NEMF: variants seen among roughly 807,000 people sequenced by gnomAD.
NEMF encodes the protein ribosome quality control complex subunit NEMF.
Under a neutral mutation model 162.2 loss-of-function variants are expected in NEMF, and 89 were observed. That is an observed-to-expected ratio of 0.55 (90% confidence interval 0.46 to 0.65). The LOEUF is 0.65. Among genes scored for constraint, NEMF ranks in the 30% least tolerant of loss-of-function variants. NEMF has a pLI of 0.00. For synonymous variants in NEMF, 421 were observed against 404.5 expected (o/e 1.04, Z -0.49); for missense variants, 1,133 against 1,261.9 (o/e 0.90, Z 1.55).
chr14:49,840,376 C>T lies in NEMF; in HGVS notation c.506+342G>A, dbSNP rs554381629. ...ACTCGGGAGGCTGCGGCAGGAGAAT[C>T]GCTTGAACCTGGGATGCAGAGGTTG... On this transcript the variant is annotated intron_variant, in intron 5 of 32. Coordinates refer to ENST00000298310, the MANE Select transcript of NEMF (RefSeq NM_004713.6). Among the ~76,000 whole-genome samples, 19 of 151,896 alleles carry T rather than the reference C, an allele frequency of 1.3e-4. No individual in the cohort carries two copies. In the South Asian group the frequency reaches 3.5e-3, roughly 28 times the overall value.
At chr14:49,851,143 G>T (rs1893753760) in intron 3 of NEMF, among the ~76,000 whole-genome samples, 1 of 152,224 alleles carries the variant, frequency 6.6e-6, no homozygotes, top group South Asian at 2.1e-4. Context: ...GGCAGAGGTT[G>T]CAGTGAGCCA....
chr14:49,807,851 G>C (rs575342112), intron 18 of NEMF, among the ~76,000 whole-genome samples: 1 of 152,086 alleles, frequency 6.6e-6, no homozygotes, highest in South Asian at 2.1e-4. Context: ...TGATTTACCT[G>C]CCTCTGCCTC....
intron 29 of NEMF, 82 bp downstream of exon 29, chr14:49,786,636 T>G: frequency 7.3e-7 from 1 of 1,378,534 alleles, no homozygotes; most frequent in Non-Finnish European, 1.0e-6. Context: ...GTTTCTAAGT[T>G]TTAATAAGTT....
chr14:49,837,454 C>A (rs1372275923), intron 6 of NEMF, among the ~76,000 whole-genome samples: 1 of 151,896 alleles, frequency 6.6e-6, no homozygotes, highest in Non-Finnish European at 1.5e-5. Flanking sequence ...AGTTTGAGAC[C>A]AGCCTGGGCA....
intron 5 of NEMF, among the ~76,000 whole-genome samples, chr14:49,838,624 G>C (rs145283630): frequency 7.4e-6 from 1 of 135,868 alleles, no homozygotes; most frequent in South Asian, 2.3e-4. Context: ...TTGCTCTGTC[G>C]CCCAGGCTGC....
chr14:49,845,420 G>T (rs146325675), intron 4 of NEMF, among the ~76,000 whole-genome samples: 1 of 152,084 alleles, frequency 6.6e-6, no homozygotes, highest in African/African-American at 2.4e-5. Flanking sequence ...GAGTCATTGC[G>T]CTCAGCCAAA....
chr14:49,825,179 T>A (rs1892274972), intron 16 of NEMF, among the ~76,000 whole-genome samples: 1 of 152,202 alleles, frequency 6.6e-6, no homozygotes. Flanking sequence ...ATTATATGAC[T>A]ACAATTTAAA....
At chr14:49,844,764 C>CACACACACACACACACAT (rs144835038) in intron 4 of NEMF, 1 of 328,876 alleles carries the variant, frequency 3.0e-6, no homozygotes, top group African/African-American at 2.5e-5. Context: ...CACACACACA[C>CACACACACACACACACAT]ATATATTTTT....
intron 5 of NEMF, chr14:49,839,634 G>C (rs1458350259): frequency 6.6e-6 from 1 of 152,142 alleles, no homozygotes; most frequent in African/African-American, 2.4e-5. Context: ...ATATCCATCT[G>C]TCTTCTCACA....
intron 16 of NEMF, among the ~76,000 whole-genome samples, chr14:49,823,358 G>T (rs1892180534): frequency 6.7e-6 from 1 of 149,982 alleles, no homozygotes; most frequent in African/African-American, 2.5e-5. Context: ...AGAGCTAAAA[G>T]AAACTAAAGC....
intron 17 of NEMF, among the ~76,000 whole-genome samples, 190 bp from the exon 18 acceptor site, chr14:49,814,240 C>T (rs1594760415): frequency 6.6e-6 from 1 of 152,050 alleles, no homozygotes; most frequent in African/African-American, 2.4e-5. Flanking sequence ...GCTGGGATTA[C>T]AGGCGTGCAC....
intron 8 of NEMF, 72 bp downstream of exon 8, chr14:49,833,351 C>A: frequency 2.4e-6 from 2 of 846,484 alleles, no homozygotes; most frequent in Non-Finnish European, 3.7e-6. Context: ...TATAATGATC[C>A]TTTAATGAAC....
chr14:49,830,506 G>C (rs1892581855), intron 11 of NEMF, among the ~76,000 whole-genome samples: 3 of 152,104 alleles, frequency 2.0e-5, no homozygotes, highest in Admixed American at 2.0e-4. Flanking sequence ...CAATTTTTGT[G>C]CCTCAGGCTC....
intron 16 of NEMF, among the ~76,000 whole-genome samples, chr14:49,817,434 T>C (rs1891770694): frequency 6.6e-6 from 1 of 152,132 alleles, no homozygotes; most frequent in Admixed American, 6.6e-5. Flanking sequence ...AGCAAGACTA[T>C]GTCTCAAAAA....
Position 49,785,667 on chromosome 14 carries a change from C to T in NEMF, c.2929-347G>A, listed in dbSNP as rs145009232. ...AAGGCTCAGGCTGAGGCGGGTGGAT[C>T]GCTTGAGCCCAGGAGTTCAAGACCA... On this transcript the variant is annotated intron_variant, in intron 29 of 32. Transcript: ENST00000298310. The T allele has an allele frequency of 4.0e-5, 9 of 223,066 alleles. No individual in the cohort carries two copies. The East Asian group carries it at 5.4e-4, about 13-fold the overall frequency. The allele number at this position is 223,066 out of a possible 1,614,324, so 13.8% of individuals were successfully genotyped here.
At chr14:49,800,800 C>A in intron 22 of NEMF, 104 bp from the exon 23 acceptor site, 2 of 1,112,034 alleles carry the variant, frequency 1.8e-6, no homozygotes, top group Non-Finnish European at 2.6e-6. Flanking sequence ...CATATTTCTC[C>A]AAAAAATCAA....
chr14:49,835,941 T>C (rs1892880259), intron 6 of NEMF, among the ~76,000 whole-genome samples: 1 of 152,098 alleles, frequency 6.6e-6, no homozygotes, highest in African/African-American at 2.4e-5. Context: ...CTGAGAGAAA[T>C]TAAAGATCTA....
At position 49,788,148 on chromosome 14, in the gene NEMF, G is replaced by A. The variant is rs528389138; in HGVS notation, c.2895+998C>T. Among the ~76,000 whole-genome samples the A allele has an allele frequency of 6.6e-5, 10 of 152,098 alleles. No homozygotes were observed. In the East Asian group the frequency reaches 7.8e-4, roughly 12 times the overall value. ...ACAAAAATAAGCCAGGCGTGATGGT[G>A]CATGCTTGTAATCCCAGCTACTCAG... On this transcript the variant is annotated intron_variant, in intron 28 of 32. Coordinates refer to ENST00000298310, the MANE Select transcript of NEMF (RefSeq NM_004713.6).
chr14:49,823,689 C>T (rs767716928), intron 16 of NEMF, among the ~76,000 whole-genome samples: 1 of 152,088 alleles, frequency 6.6e-6, no homozygotes, highest in Non-Finnish European at 1.5e-5. Context: ...TTTTCAAGAA[C>T]TATTTCCAGA....
Sources: gnomAD v4.1 joint callset for allele counts (sites outside exome capture counted in the v4.1 genomes callset) on GRCh38, gnomAD v4.1.1 for gene constraint, MANE v1.5 for transcripts, NCBI Gene and HGNC (gene_info 2026-07-23, HGNC 2026-07-21) for gene names.